The following FAM228B variants were observed in gnomAD, a reference collection of about 807,000 sequenced individuals.
FAM228B encodes family with sequence similarity 228 member B, also known as protein FAM228B.
In FAM228B, 38 loss-of-function variants were observed where a neutral mutation model predicts 42.6. The ratio of observed to expected loss-of-function variants is 0.89; its 90% CI spans 0.69 to 1.17. The LOEUF is 1.17. Among genes scored for constraint, FAM228B ranks in the 50% most tolerant of loss-of-function variants. The pLI is 0.00. For synonymous variants in FAM228B, 109 were observed against 122.3 expected (o/e 0.89, Z 0.72); for missense variants, 344 against 367.3 (o/e 0.94, Z 0.52).
chr2:24,135,279 A>C (rs1340796826), intron 3 of FAM228B, 92 bp downstream of exon 3: 3 of 721,606 alleles, frequency 4.2e-6, no homozygotes, highest in Non-Finnish European at 6.7e-6. Flanking sequence ...CTATTTAGAA[A>C]ATATGGAAAA....
intron 2 of FAM228B, among the ~76,000 whole-genome samples, chr2:24,089,654 C>T (rs1665342401): frequency 6.6e-6 from 1 of 152,094 alleles, no homozygotes; most frequent in Non-Finnish European, 1.5e-5. Context: ...CTGAATCCAA[C>T]CTATTGTCTT....
chr2:24,114,865 T>A (rs1665864103), intron 3 of FAM228B, among the ~76,000 whole-genome samples: 1 of 152,220 alleles, frequency 6.6e-6, no homozygotes, highest in African/African-American at 2.4e-5. Flanking sequence ...GTGACCATAC[T>A]GCCTTACTAA....
At position 24,143,326 on chromosome 2, in the gene FAM228B, G is replaced by A. The variant is rs569413879; in HGVS notation, c.442-3422G>A. 7.2e-5 allele frequency among the ~76,000 whole-genome samples: 11 copies of A among 151,904 alleles called. No individual in the cohort carries two copies. In the South Asian group the frequency reaches 8.3e-4, roughly 11 times the overall value. ...CTCCCGAGTAGCTGGGACTACAGGC[G>A]CCCGCCACCACGCCCGGCTAATTTT... is the stretch of plus-strand genomic sequence containing the variant. On this transcript the variant is annotated intron_variant, in intron 5 of 10. Coordinates refer to ENST00000615575, the MANE Select transcript of FAM228B (RefSeq NM_001145710.2).
chr2:24,129,801 C>A (rs1666409550), intron 2 of FAM228B, among the ~76,000 whole-genome samples: 1 of 151,962 alleles, frequency 6.6e-6, no homozygotes, highest in Non-Finnish European at 1.5e-5. Flanking sequence ...ATATAATTTT[C>A]TTTTTATTTT....
rs1665882850 is a variant in FAM228B at position 24,115,458 on chromosome 2, C to T, written c.-120-19661C>T. Reference sequence around the variant, plus strand: ...CTCTGGAAGTAATAAAAATTGCTCCCTTAATTCATTCTTCTTTTTTAGTGC... The same window carrying T: ...CTCTGGAAGTAATAAAAATTGCTCCTTTAATTCATTCTTCTTTTTTAGTGC... On this transcript the variant is annotated intron_variant, in intron 3 of 10. Coordinates refer to the FAM228B transcript ENST00000613899. The T allele has an allele frequency of 6.4e-6, 5 of 785,676 alleles. No individual in the cohort carries two copies. In the South Asian group the frequency reaches 8.4e-5, roughly 13 times the overall value. The allele number at this position is 785,676 out of a possible 1,614,324, so 48.7% of individuals were successfully genotyped here. A position where few individuals can be genotyped will look rare whatever the true frequency, so the allele number is the denominator to read the frequency against.
At chr2:24,161,062 A>G (rs1345881383) in intron 7 of FAM228B, among the ~76,000 whole-genome samples, 2 of 152,224 alleles carry the variant, frequency 1.3e-5, no homozygotes, top group Non-Finnish European at 2.9e-5. Flanking sequence ...AATGTATACC[A>G]GTTGGAATAA....
chr2:24,114,547 AG>A (rs1376413114), intron 3 of FAM228B, among the ~76,000 whole-genome samples: 3 of 152,180 alleles, frequency 2.0e-5, no homozygotes, highest in African/African-American at 7.2e-5. Context: ...TTAACTAAGT[AG>A]TCATTATCGT....
rs1473569466 is a variant in FAM228B, at chr2:24,084,455, G to A, written c.-210+3500G>A. The A allele has an allele frequency of 1.9e-5, 23 of 1,215,150 alleles. No homozygotes were observed. The highest frequency in any genetic ancestry group is 3.4e-5 in the Admixed American group (1 of 29,028). 75.3% of individuals were successfully genotyped at this position (1,215,150 alleles called of 1,614,324 possible). On this transcript the variant is annotated intron_variant, in intron 2 of 10. Coordinates refer to the FAM228B transcript ENST00000613899. The surrounding 1 kb of genome is among the most constrained non-coding windows in gnomAD (Gnocchi z 8.4). ...TCCTCGCGGAGCAGCCCAGCCTCAG[G>A]CTGGCACCGCAGCGCCCCCTGCCGG...
intron 2 of FAM228B, chr2:24,082,958 C>G (rs777640962): frequency 2.5e-6 from 4 of 1,614,116 alleles, no homozygotes; most frequent in Middle Eastern, 3.3e-4. Flanking sequence ...GGGTCAATCC[C>G]TCTGGGATAG....
At chr2:24,166,016 T>A (rs1176046149) in intron 9 of FAM228B, 3 of 132,544 alleles carry the variant, frequency 2.3e-5, no homozygotes, top group African/African-American at 8.2e-5. Flanking sequence ...CACTCCAGCT[T>A]GGGCAACAAG....
In FAM228B at chr2:24,084,380, G is replaced by GCAGGA. The variant is rs201306834; in HGVS notation, c.-210+3435_-210+3439dup. On this transcript the variant is annotated intron_variant, in intron 2 of 10. Coordinates refer to the FAM228B transcript ENST00000613899. This position sits in a 1 kb window ranked among gnomAD's most constrained non-coding sequence, Gnocchi z 8.4. ...GCAGGACAGGACAGGGCAGGGCAGG[G>GCAGGA]CAGGACAGGACAGGGCAGGGCAGGA... 5.5e-4 allele frequency: 639 copies of GCAGGA among 1,158,952 alleles called. No individual in the cohort carries two copies. The African/African-American group carries it at 9.2e-3, about 17-fold the overall frequency. The allele number at this position is 1,158,952 out of a possible 1,614,324, so 71.8% of individuals were successfully genotyped here. A position where few individuals can be genotyped will look rare whatever the true frequency, so the allele number is the denominator to read the frequency against.
chr2:24,109,200 T>G (rs2111885), intron 3 of FAM228B, among the ~76,000 whole-genome samples: 148,799 of 148,938 alleles, frequency 1, 74,332 homozygotes, highest in Middle Eastern at 1. Context: ...CAATGGAAAG[T>G]ACTCCTTATT....
intron 3 of FAM228B, among the ~76,000 whole-genome samples, chr2:24,106,424 A>G (rs1665700943): frequency 7.1e-6 from 1 of 140,590 alleles, no homozygotes; most frequent in Non-Finnish European, 1.5e-5. Flanking sequence ...GGTTCAAGTG[A>G]TTCTTCTGTC....
intron 7 of FAM228B, among the ~76,000 whole-genome samples, chr2:24,148,369 C>A (rs1161529915): frequency 6.6e-6 from 1 of 152,160 alleles, no homozygotes; most frequent in Non-Finnish European, 1.5e-5. Flanking sequence ...ATGTTTTTCT[C>A]ATGGAGCTTC....
intron 3 of FAM228B, among the ~76,000 whole-genome samples, chr2:24,097,708 A>T (rs1558369526): frequency 6.6e-6 from 1 of 152,196 alleles, no homozygotes; most frequent in African/African-American, 2.4e-5. Flanking sequence ...CCCACTGTCA[A>T]TATTAGACAG....
At chr2:24,125,903 G>A (rs900878550) in intron 2 of FAM228B, among the ~76,000 whole-genome samples, 3 of 152,144 alleles carry the variant, frequency 2.0e-5, no homozygotes, top group Non-Finnish European at 4.4e-5. Flanking sequence ...TTTAAAAATT[G>A]TATACAAATG....
At chr2:24,148,398 T>G (rs891815518) in intron 7 of FAM228B, among the ~76,000 whole-genome samples, 3 of 152,194 alleles carry the variant, frequency 2.0e-5, no homozygotes, top group African/African-American at 7.2e-5. Context: ...ACAAGCCCTA[T>G]GTGCTTAGGC....
intron 3 of FAM228B, among the ~76,000 whole-genome samples, chr2:24,109,334 A>G (rs1409438340): frequency 6.6e-6 from 1 of 152,198 alleles, no homozygotes; most frequent in South Asian, 2.1e-4. Flanking sequence ...AACTCAAACT[A>G]TAAAAACACT....
rs866485680 is a variant in FAM228B at position 24,110,736 on chromosome 2, T to C, written c.-121+15507T>C. 9.9e-5 allele frequency among the ~76,000 whole-genome samples: 15 copies of C among 152,248 alleles called. No individual in the cohort carries two copies. In the South Asian group the frequency reaches 2.7e-3, roughly 27 times the overall value. The stretch of plus-strand genomic sequence containing the variant: ...AGCCTTTTCATGAGTTCTGTAGTCA[T>C]TCCAGCAAATTATCATGAGTCATGG... On this transcript the variant is annotated intron_variant, in intron 3 of 10. Transcript: ENST00000613899.
Sources: allele counts gnomAD v4.1 joint callset (sites outside exome capture counted in the v4.1 genomes callset), GRCh38; gene constraint gnomAD v4.1.1; non-coding constraint Gnocchi (gnomAD v3.1); transcripts MANE v1.5; gene names NCBI Gene and HGNC (gene_info 2026-07-23, HGNC 2026-07-21).